The following SPAG6 variants were observed in gnomAD, a reference collection of about 807,000 sequenced individuals.
SPAG6 encodes sperm-associated antigen 6.
In SPAG6, 49 loss-of-function variants were observed where a neutral mutation model predicts 58.5. That is an observed-to-expected ratio of 0.84 (90% CI 0.67 to 1.06). SPAG6 has a LOEUF of 1.06. Ranked by LOEUF, SPAG6 falls within the 50% of genes least tolerant of loss-of-function variation. The pLI is 0.00. For synonymous variants in SPAG6, 233 were observed against 225.6 expected (o/e 1.03, Z -0.29); for missense variants, 560 against 611.3 (o/e 0.92, Z 0.89).
In SPAG6 at chr10:22,350,667, C is replaced by T. The variant is rs531870916; in HGVS notation, c.121+4849C>T. On this transcript the variant is annotated intron_variant, in intron 2 of 10. Transcript: ENST00000376624. ...TTTGACTAACTAATTTCTACTCAGT[C>T]TTTATGGCTCTGTTTTGGTGTTGAT... 9.2e-5 allele frequency among the ~76,000 whole-genome samples: 14 copies of T among 152,266 alleles called. 1 individual carries two copies. Among genetic ancestry groups the T allele is most frequent in the African/African-American group, 3.1e-4 (13 of 41,554 alleles).
chr10:22,411,279 C>T (rs974187240), intron 10 of SPAG6, 103 bp downstream of exon 10: 16 of 899,846 alleles, frequency 1.8e-5, no homozygotes, highest in East Asian at 1.6e-4. Flanking sequence ...CTTTGAAATA[C>T]GATGTGAGGC....
At chr10:22,395,053 G>A (rs758241611) in intron 8 of SPAG6, among the ~76,000 whole-genome samples, 5 of 152,032 alleles carry the variant, frequency 3.3e-5, no homozygotes, top group South Asian at 2.1e-4. Context: ...TTCACAGTTC[G>A]TCCATGTTGT....
At position 22,346,613 on chromosome 10, in the gene SPAG6, G is replaced by A. The variant is rs138533321; in HGVS notation, c.121+795G>A. On this transcript the variant is annotated intron_variant, in intron 2 of 10. Coordinates refer to ENST00000376624, the MANE Select transcript of SPAG6 (RefSeq NM_012443.4). Reference sequence around the variant, plus strand: ...TAAGGTAGCATTTTATCACTACTGTGTCATGAGAAATCTTCAGTTTATAGG... The same window carrying A: ...TAAGGTAGCATTTTATCACTACTGTATCATGAGAAATCTTCAGTTTATAGG... Among the ~76,000 whole-genome samples, 728 of 150,986 alleles carry A rather than the reference G, an allele frequency of 4.8e-3. 10 individuals carry two copies. Among genetic ancestry groups the A allele is most frequent in the African/African-American group, 0.017 (690 of 41,112 alleles).
chr10:22,415,592 A>G (rs1279640681), intron 10 of SPAG6, among the ~76,000 whole-genome samples: 1 of 152,144 alleles, frequency 6.6e-6, no homozygotes, highest in Non-Finnish European at 1.5e-5. Context: ...TAAGCACACT[A>G]CTCACTACTA....
rs952389495 is a variant in SPAG6, at chr10:22,350,269, T to C, written c.121+4451T>C. ...GCTATACACATTCTGTCTTTGTATA[T>C]GCACCAAACAATAAGTTCTAAAAAC... On this transcript the variant is annotated intron_variant, in intron 2 of 10. Coordinates refer to ENST00000376624, the MANE Select transcript of SPAG6 (RefSeq NM_012443.4). Among the ~76,000 whole-genome samples the C allele has an allele frequency of 2.9e-4, 44 of 152,164 alleles. 1 individual carries two copies. The highest frequency in any genetic ancestry group is 1.0e-3 in the African/African-American group (42 of 41,414).
intron 10 of SPAG6, among the ~76,000 whole-genome samples, chr10:22,412,138 C>G (rs987622183): frequency 1.3e-5 from 2 of 152,016 alleles, no homozygotes; most frequent in Non-Finnish European, 2.9e-5. Context: ...CGTGAGCCAC[C>G]GCGACCGCCC....
rs755650966 is a variant in SPAG6 at position 22,391,838 on chromosome 10, G to A, written c.1115G>A (p.Arg372Gln). ...GGAAGACACACTCCTGAACACGCAC[G>A]GGCTGTTGCAGTCACAAATACTTTG... ...QIGRHTPEHA[R>Q]AVAVTNTLPV... Residue 372 changes from arginine (R) to glutamine (Q), a missense_variant, in exon 8 of 11, where the codon CGG (arginine) becomes CAG (glutamine). Arg to Gln is a conservative substitution (Grantham distance 43). Transcript: ENST00000376624. 1.2e-6 allele frequency: 2 copies of A among 1,613,470 alleles called. No individual in the cohort carries two copies. Among genetic ancestry groups the A allele is most frequent in the Non-Finnish European group, 1.7e-6 (2 of 1,179,696 alleles).
intron 4 of SPAG6, among the ~76,000 whole-genome samples, chr10:22,376,331 A>G (rs1245224729): frequency 6.6e-6 from 1 of 152,198 alleles, no homozygotes; most frequent in Non-Finnish European, 1.5e-5. Flanking sequence ...TAAAATATTG[A>G]TTGCATGTTG....
chr10:22,403,913 T>C (rs1834480637), intron 9 of SPAG6, among the ~76,000 whole-genome samples: 1 of 151,732 alleles, frequency 6.6e-6, no homozygotes, highest in African/African-American at 2.4e-5. Flanking sequence ...TCATGTGTTG[T>C]TTGGCTGCAT....
rs938157957 is a variant in SPAG6 at position 22,380,473 on chromosome 10, T to G, written c.473-6281T>G. On this transcript the variant is annotated intron_variant, in intron 4 of 10. Transcript: ENST00000376624. Reference sequence around the variant, plus strand: ...CCACCATGCCTGGCTAATTTTTGTGTTTTTTTTGTTTTTTGTAGAGACGGG... The same window carrying G: ...CCACCATGCCTGGCTAATTTTTGTGGTTTTTTTGTTTTTTGTAGAGACGGG... Among the ~76,000 whole-genome samples, 6 of 149,756 alleles carry G rather than the reference T, an allele frequency of 4.0e-5. No homozygotes were observed. In the South Asian group the frequency reaches 1.0e-3, roughly 26 times the overall value.
In SPAG6 at chr10:22,411,045, T is replaced by C. The variant is rs777578960; in HGVS notation, c.1329T>C (p.Asp443=). ...VGQFSKVLPH[D]SKARRLFVTS... is the part of the protein sequence containing the mutation. ...CACTTTGCAAGGTGCTGCCGCATGA[T>C]AGCAAAGCTCGACGACTTTTTGTAA... is the stretch of plus-strand genomic sequence containing the variant. The change falls in exon 10 of 11, where the codon GAT becomes GAC. Residue 443 remains aspartate (D), a synonymous_variant. Transcript: ENST00000376624. The C allele has an allele frequency of 5.6e-6, 9 of 1,613,950 alleles. 1 individual carries two copies. The Admixed American group carries it at 6.7e-5, about 12-fold the overall frequency.
chr10:22,407,257 A>G (rs1423944270), intron 9 of SPAG6, among the ~76,000 whole-genome samples: 1 of 151,170 alleles, frequency 6.6e-6, no homozygotes, highest in Non-Finnish European at 1.5e-5. Context: ...TTTTGGCATG[A>G]TTTTGCAGCA....
At chr10:22,362,151 ATATT>A (rs887502642) in intron 2 of SPAG6, among the ~76,000 whole-genome samples, 2 of 145,632 alleles carry the variant, frequency 1.4e-5, no homozygotes, top group South Asian at 2.1e-4. Flanking sequence ...TTATGTATAT[ATATT>A]TATTTTATAT....
In SPAG6 at chr10:22,389,288, A is replaced by G. The variant is rs1211693221; in HGVS notation, c.981A>G (p.Leu327=). 1 of 1,612,296 alleles carries G rather than the reference A, an allele frequency of 6.2e-7. No individual in the cohort carries two copies. Among genetic ancestry groups the G allele is most frequent in the Non-Finnish European group, 8.5e-7 (1 of 1,179,612 alleles). Residue 327 remains leucine (L), a synonymous_variant, in exon 7 of 11, where the codon CTA becomes CTG. Coordinates refer to ENST00000376624, the MANE Select transcript of SPAG6 (RefSeq NM_012443.4). ...ATGTAGCAGCTCATTCTGAGAACCT[A>G]GCAATGGCAGTCATCATTTCTAAGG... ...LGYVAAHSEN[L]AMAVIISKGV...
chr10:22,397,996 A>G (rs936718075), intron 8 of SPAG6, among the ~76,000 whole-genome samples: 5 of 152,230 alleles, frequency 3.3e-5, no homozygotes, highest in Admixed American at 1.3e-4. Flanking sequence ...CCCAATTTCA[A>G]AATGTACCAC....
At chr10:22,363,611 C>T (rs1054966210) in intron 2 of SPAG6, among the ~76,000 whole-genome samples, 8 of 152,124 alleles carry the variant, frequency 5.3e-5, no homozygotes, top group Non-Finnish European at 8.8e-5. Flanking sequence ...TAAGCATCAC[C>T]GCTCTCTGCT....
intron 10 of SPAG6, among the ~76,000 whole-genome samples, chr10:22,413,708 T>TATATATATA (rs1564384103): frequency 1.3e-5 from 2 of 150,872 alleles, no homozygotes; most frequent in African/African-American, 4.9e-5. Flanking sequence ...TATATATATA[T>TATATATATA]TTCACCCACA....
intron 4 of SPAG6, among the ~76,000 whole-genome samples, chr10:22,370,140 C>T (rs1369145692): frequency 6.6e-6 from 1 of 152,032 alleles, no homozygotes; most frequent in African/African-American, 2.4e-5. Flanking sequence ...TTGTATATTA[C>T]AATTACAATA....
intron 4 of SPAG6, among the ~76,000 whole-genome samples, chr10:22,369,393 G>A (rs1032466134): frequency 2.0e-5 from 3 of 152,138 alleles, no homozygotes; most frequent in Admixed American, 1.3e-4. Flanking sequence ...AACATAAGAA[G>A]AAAATACAGT....
Sources: allele counts gnomAD v4.1 joint callset (sites outside exome capture counted in the v4.1 genomes callset), GRCh38; gene constraint gnomAD v4.1.1; transcripts MANE v1.5; gene names NCBI Gene and HGNC (gene_info 2026-07-23, HGNC 2026-07-21).